The following TBC1D1 variants were observed in gnomAD, a reference collection of about 807,000 sequenced individuals.
TBC1D1 encodes the protein TBC1 (tre-2/USP6, BUB2, cdc16) domain family, member 1.
In TBC1D1, 89 loss-of-function variants were observed where a neutral mutation model predicts 125.6. That is an observed-to-expected ratio of 0.71 (90% CI 0.60 to 0.85). TBC1D1 has a LOEUF of 0.85. Ranked by LOEUF, TBC1D1 falls within the 40% of genes least tolerant of loss-of-function variation. The pLI, the probability that TBC1D1 is intolerant of heterozygous loss-of-function variation, is 0.00. For missense variants in TBC1D1, 1,377 were observed against 1,469.2 expected (o/e 0.94, Z 1.03); for synonymous variants, 565 against 564.1 (o/e 1.00, Z -0.02).
intron 12 of TBC1D1, among the ~76,000 whole-genome samples, chr4:38,079,659 C>A (rs770131708): frequency 1.1e-4 from 17 of 151,618 alleles, no homozygotes; most frequent in South Asian, 2.1e-4. Flanking sequence ...CCCTGGAAGG[C>A]GGAGGTTGCA....
At chr4:37,910,127 CAT>C (rs1411934823) in intron 2 of TBC1D1, among the ~76,000 whole-genome samples, 33 of 152,316 alleles carry the variant, frequency 2.2e-4, no homozygotes, top group African/African-American at 7.5e-4. Flanking sequence ...TTGTTTTACA[CAT>C]ATGACTTTAT....
intron 18 of TBC1D1, among the ~76,000 whole-genome samples, chr4:38,131,065 G>A (rs977449327): frequency 6.6e-6 from 1 of 152,160 alleles, no homozygotes; most frequent in Non-Finnish European, 1.5e-5. Context: ...GGGCATAACT[G>A]CAGAATGAAG....
intron 18 of TBC1D1, among the ~76,000 whole-genome samples, chr4:38,130,890 C>T (rs1472377506): frequency 2.0e-5 from 3 of 152,212 alleles, no homozygotes; most frequent in Non-Finnish European, 4.4e-5. Context: ...GAGAACTGCT[C>T]CTGGCAGTGG....
chr4:38,115,684 A>G, intron 15 of TBC1D1, 26 bp from the exon 18 acceptor site: 1 of 1,577,298 alleles, frequency 6.3e-7, no homozygotes, highest in Non-Finnish European at 8.6e-7. Flanking sequence ...TTTTATTATT[A>G]CAACTAATAT....
At chr4:38,103,272 A>G (rs1760691114) in intron 15 of TBC1D1, 115 bp downstream of exon 17, 1 of 1,037,742 alleles carries the variant, frequency 9.6e-7, no homozygotes, top group African/African-American at 1.6e-5. Context: ...ATCAAAATTT[A>G]CTACTGAGAC....
rs1245452435 is a variant in TBC1D1, at chr4:38,118,175, T to A, written c.2945T>A (p.Phe982Tyr). 8 of 1,614,230 alleles carry A rather than the reference T, an allele frequency of 5.0e-6. No homozygotes were observed. In the East Asian group the frequency reaches 1.1e-4, roughly 22 times the overall value. ...TTTGCCTCACAGTTCCCGCTGGGAT[T>A]CGTAGCCAGAGTCTTTGGTGAGCAT... is the stretch of plus-strand genomic sequence containing the variant. The change falls in exon 17 of 20, where the codon TTC (phenylalanine) becomes TAC (tyrosine). Residue 982 changes from phenylalanine to tyrosine, a missense_variant. Phe to Tyr is a conservative substitution (Grantham distance 22, BLOSUM62 3). Transcript: ENST00000261439.
Position 37,902,072 on chromosome 4 carries a change from C to T in TBC1D1, c.-24C>T. 6.4e-7 allele frequency: 1 copy of T among 1,557,028 alleles called. No individual in the cohort carries two copies. The highest frequency in any genetic ancestry group is 8.7e-7 in the Non-Finnish European group (1 of 1,152,630). On this transcript the variant is annotated 5_prime_UTR_variant, in exon 2 of 20. Transcript: ENST00000261439. ...CAGAAAAACAGTGATAACTGTTTTG[C>T]TGAGTTCCCAGACCCTTCCCAAGAT... is the stretch of plus-strand genomic sequence containing the variant.
At chr4:37,996,291 G>T in intron 2 of TBC1D1, 1 of 216,938 alleles carries the variant, frequency 4.6e-6, no homozygotes, top group Non-Finnish European at 9.7e-6. Context: ...AATATATATT[G>T]AAGTTATCTA....
intron 2 of TBC1D1, among the ~76,000 whole-genome samples, chr4:37,986,884 T>G (rs1735583630): frequency 6.6e-6 from 1 of 152,200 alleles, no homozygotes; most frequent in African/African-American, 2.4e-5. Context: ...TGCAGCCTGG[T>G]AGGACCAACC....
chr4:38,081,542 T>G lies in TBC1D1; in HGVS notation c.2051-8390T>G, dbSNP rs184740460. ...TCCAGTATTCTTCAGTAAATCAACT[T>G]TCTTTTTTATCCCCAACCCCAGTCT... On this transcript the variant is annotated intron_variant, in intron 12 of 19. Coordinates refer to ENST00000261439, the MANE Select transcript of TBC1D1 (RefSeq NM_015173.4). Among the ~76,000 whole-genome samples the G allele has an allele frequency of 3.9e-5, 6 of 152,304 alleles. No individual in the cohort carries two copies. The East Asian group carries it at 1.2e-3, about 29-fold the overall frequency.
At chr4:38,066,187 G>A (rs1461463911) in intron 12 of TBC1D1, among the ~76,000 whole-genome samples, 1 of 151,226 alleles carries the variant, frequency 6.6e-6, no homozygotes, top group African/African-American at 2.4e-5. Context: ...GTGAAGGAAT[G>A]TATCTTATGT....
At chr4:37,985,709 A>ATG (rs1447923583) in intron 2 of TBC1D1, among the ~76,000 whole-genome samples, 13 of 152,206 alleles carry the variant, frequency 8.5e-5, no homozygotes, top group Non-Finnish European at 1.6e-4. Context: ...AGTTAATGGC[A>ATG]TGTGTGGTAT....
chr4:38,045,437 G>A (rs1237931723), intron 9 of TBC1D1, among the ~76,000 whole-genome samples: 1 of 152,226 alleles, frequency 6.6e-6, no homozygotes, highest in Non-Finnish European at 1.5e-5. Flanking sequence ...GCATTTGAGA[G>A]CTCCCAAAGG....
intron 12 of TBC1D1, among the ~76,000 whole-genome samples, chr4:38,079,490 G>T (rs1178144693): frequency 6.6e-6 from 1 of 152,026 alleles, no homozygotes; most frequent in Admixed American, 6.6e-5. Flanking sequence ...TTGGGAGGCC[G>T]AGGCGGGCAG....
intron 15 of TBC1D1, 117 bp from the exon 18 acceptor site, chr4:38,115,593 A>G: frequency 1.9e-6 from 2 of 1,077,860 alleles, no homozygotes; most frequent in East Asian, 2.5e-5. Flanking sequence ...ACTGATTGAT[A>G]TTATGATCCA....
At chr4:38,036,424 A>G (rs1251075096) in intron 8 of TBC1D1, among the ~76,000 whole-genome samples, 1 of 152,240 alleles carries the variant, frequency 6.6e-6, no homozygotes, top group Non-Finnish European at 1.5e-5. Flanking sequence ...TACACATTTT[A>G]TATTTGCTAA....
intron 2 of TBC1D1, chr4:37,996,028 G>A (rs985636660): frequency 7.9e-5 from 41 of 518,782 alleles, no homozygotes; most frequent in Non-Finnish European, 1.4e-4. Context: ...AGTGGGGCCC[G>A]GAGGGAGGTC....
chr4:38,085,518 TG>T (rs1398392758), intron 12 of TBC1D1, among the ~76,000 whole-genome samples: 5 of 152,216 alleles, frequency 3.3e-5, no homozygotes, highest in Admixed American at 3.3e-4. Context: ...ACTGGGGGAC[TG>T]GAACCCAGAA....
At chr4:37,971,358 T>C (rs1052199469) in intron 2 of TBC1D1, among the ~76,000 whole-genome samples, 1 of 152,106 alleles carries the variant, frequency 6.6e-6, no homozygotes, top group African/African-American at 2.4e-5. Flanking sequence ...CTCAAAATCA[T>C]GGTAGAAGGC....
Sources: allele counts gnomAD v4.1 joint callset (sites outside exome capture counted in the v4.1 genomes callset), GRCh38; gene constraint gnomAD v4.1.1; transcripts MANE v1.5; gene names NCBI Gene and HGNC (gene_info 2026-07-23, HGNC 2026-07-21).